MAMDC4: variants seen among roughly 807,000 people sequenced by gnomAD.
MAMDC4 encodes apical endosomal glycoprotein.
A neutral mutation model predicts 153.3 loss-of-function variants in MAMDC4; 168 were observed. The observed-to-expected ratio is 1.10, with a 90% confidence interval of 0.97 to 1.25. The LOEUF is 1.25. Among genes scored for constraint, MAMDC4 ranks in the 50% most tolerant of loss-of-function variants. The probability of loss-of-function intolerance (pLI) is 0.00; values close to 1 mark genes in which losing one functional copy is unlikely to be tolerated. For missense variants in MAMDC4, 1,701 were observed against 1,542.8 expected (o/e 1.10, Z -1.72); for synonymous variants, 744 against 651.5 (o/e 1.14, Z -2.16).
rs1246034870 is a variant in MAMDC4, at chr9:136,856,028, GTC to G, written c.1603_1604del (p.Leu535AlafsTer10). On this transcript the variant is annotated frameshift_variant, in exon 14 of 27. Coordinates refer to ENST00000317446, the MANE Select transcript of MAMDC4 (RefSeq NM_206920.3). LOFTEE classifies it high-confidence loss of function. ...ATGCTCTTCCCCTAGGGCACTTCCT[GTC>G]TCTGCAGCGGGCCTGGGGGCAGCTA... Reference protein sequence around the residue: ...SSAAAAGHFLSLQRAWGQLGA... With the variant: ...SSAAAAGHFLXLQRAWGQLGA... 1.2e-6 allele frequency: 2 copies of G among 1,611,192 alleles called. No homozygotes were observed. The highest frequency in any genetic ancestry group is 1.7e-6 in the Non-Finnish European group (2 of 1,179,286).
At chr9:136,860,531 AG>A (rs760205235) in intron 26 of MAMDC4, 30 bp from the exon 27 acceptor site, 2 of 1,601,428 alleles carry the variant, frequency 1.2e-6, no homozygotes, top group Admixed American at 1.7e-5. Context: ...CAGGAAAGAA[AG>A]AAAAAAAAAG....
In MAMDC4 at chr9:136,856,764, C is replaced by G; in HGVS notation, c.1775C>G (p.Ser592Ter). ...TGCAGCTGGTACCCAGGCCACCTCT[C>G]AGACACACACTGGCGCTGGGTGGAG... is the stretch of plus-strand genomic sequence containing the variant. ...DTCSWYPGHL[S>*]DTHWRWVESR... The change falls in exon 15 of 27, where the codon TCA becomes TGA. Residue 592 changes from serine (S) to a stop codon, truncating the protein, a stop_gained. Transcript: ENST00000317446. LOFTEE classifies it high-confidence loss of function. 6.2e-7 allele frequency: 1 copy of G among 1,612,312 alleles called. No homozygotes were observed. The highest frequency in any genetic ancestry group is 8.5e-7 in the Non-Finnish European group (1 of 1,179,696).
chr9:136,857,032 C>T lies in MAMDC4; in HGVS notation c.1963C>T (p.Pro655Ser). Reference protein sequence around the residue: ...CLSFWYHLHGPQIGTLRLAMR... With the variant: ...CLSFWYHLHGSQIGTLRLAMR... ...CAGCTTCTGGTACCACCTCCATGGG[C>T]CCCAGATTGGTGAGTGGACCTGGAA... The change falls in exon 16 of 27, where the codon CCC (proline) becomes TCC (serine). Residue 655 changes from proline to serine, a missense_variant. Coordinates refer to ENST00000317446, the MANE Select transcript of MAMDC4 (RefSeq NM_206920.3). 2 of 1,610,922 alleles carry T rather than the reference C, an allele frequency of 1.2e-6. No individual in the cohort carries two copies. Among genetic ancestry groups the T allele is most frequent in the African/African-American group, 1.3e-5 (1 of 75,000 alleles).
rs773090331 is a variant in MAMDC4 at position 136,855,668 on chromosome 9, G to T, written c.1471+49G>T. 4 of 1,565,944 alleles carry T rather than the reference G, an allele frequency of 2.6e-6. No homozygotes were observed. In the East Asian group the frequency reaches 9.3e-5, roughly 36 times the overall value. On this transcript the variant is annotated intron_variant, in intron 12 of 26. Transcript: ENST00000317446. The stretch of plus-strand genomic sequence containing the variant: ...GACCTCCTGCTGCGGAGCCAAGGGG[G>T]TAGGCGCCGGGGCAGGCTGAGGACT...
Position 136,852,463 on chromosome 9 carries a change from G to T in MAMDC4, c.46+1G>T, listed in dbSNP as rs762545147. On this transcript the variant is annotated splice_donor_variant, in intron 1 of 26. Transcript: ENST00000317446. LOFTEE classifies it high-confidence loss of function. ...CTGCCCGCCTTGGTCCTGTTCCTGG[G>T]TAAGTAGTCTGGTCCCACTCCTGAG... 1.2e-6 allele frequency: 2 copies of T among 1,609,924 alleles called. No individual in the cohort carries two copies. The highest frequency in any genetic ancestry group is 1.7e-6 in the Non-Finnish European group (2 of 1,179,942).
At position 136,855,106 on chromosome 9, in the gene MAMDC4, T is replaced by C. The variant is rs1224929447; in HGVS notation, c.1193T>C (p.Phe398Ser). 6 of 1,573,410 alleles carry C rather than the reference T, an allele frequency of 3.8e-6. No individual in the cohort carries two copies. The African/African-American group carries it at 6.8e-5, about 18-fold the overall frequency. The change falls in exon 10 of 27, where the codon TTC becomes TCC. Residue 398 changes from phenylalanine to serine, a missense_variant. Transcript: ENST00000317446. ...DRVDIQSAYP[F>S]QILLAGQTGP... ...GTTGACATCCAGAGCGCCTACCCCT[T>C]CCAGGTAGGGAACAGCAAGAGGGTG...
chr9:136,853,679 T>C lies in MAMDC4; in HGVS notation c.454+9T>C, dbSNP rs775066291. ...CCACGCGGCCTCTGGAGGTGCACCC[T>C]GGACCCCCAAGGCTCGTGGGGGGTG... On this transcript the variant is annotated intron_variant, in intron 4 of 26. Transcript: ENST00000317446. 7.4e-6 allele frequency: 10 copies of C among 1,343,274 alleles called. No individual in the cohort carries two copies. The highest frequency in any genetic ancestry group is 1.6e-5 in the African/African-American group (1 of 63,640). The allele number at this position is 1,343,274 out of a possible 1,614,324, so 83.2% of individuals were successfully genotyped here.
chr9:136,853,292 C>T lies in MAMDC4; in HGVS notation c.162C>T (p.His54=), dbSNP rs760001756. 2.1e-5 allele frequency: 33 copies of T among 1,602,664 alleles called. No homozygotes were observed. The highest frequency in any genetic ancestry group is 9.0e-5 in the East Asian group (4 of 44,644). Residue 54 remains histidine (H), a synonymous_variant, in exon 3 of 27, where the codon CAC becomes CAT. Coordinates refer to ENST00000317446, the MANE Select transcript of MAMDC4 (RefSeq NM_206920.3). ...DCSDEAQCGY[H]GASPTLGAPF... ...GACCACCCACTCTCCCAGGTTACCA[C>T]GGGGCCTCGCCCACCCTGGGCGCCC...
Position 136,855,434 on chromosome 9 carries a change from T to C in MAMDC4, c.1286T>C (p.Val429Ala). The C allele has an allele frequency of 6.2e-7, 1 of 1,609,098 alleles. No homozygotes were observed. Among genetic ancestry groups the C allele is most frequent in the Non-Finnish European group, 8.5e-7 (1 of 1,178,162 alleles). The change falls in exon 12 of 27, where the codon GTG becomes GCG. Residue 429 changes from valine (V) to alanine (A), a missense_variant. Coordinates refer to ENST00000317446, the MANE Select transcript of MAMDC4 (RefSeq NM_206920.3). ...GACACCAGTTCTGCCCCCACAGAGG[T>C]GTCCACCCTGCAGCCGCTGCCTCCT... ...LSDHCRPVSEVSTLQPLPPGP... is the reference protein window; with the variant it reads ...LSDHCRPVSEASTLQPLPPGP...
Position 136,854,224 on chromosome 9 carries a change from C to T in MAMDC4, c.684C>T (p.Asn228=). The T allele has an allele frequency of 6.2e-7, 1 of 1,612,166 alleles. No individual in the cohort carries two copies. ...TGCCCCACCCAGCCCCCCAGGCCAA[C>T]TGTCCCCCGGGACACCACCACTGCC... ...WDCGLPTPQA[N]CPPGHHHCQN... The change falls in exon 7 of 27, where the codon AAC becomes AAT. Residue 228 remains asparagine, a synonymous_variant. Coordinates refer to ENST00000317446, the MANE Select transcript of MAMDC4 (RefSeq NM_206920.3).
At chr9:136,852,543 AC>A (rs1425262900) in intron 1 of MAMDC4, 81 bp downstream of exon 1, 1 of 1,507,904 alleles carries the variant, frequency 6.6e-7, no homozygotes, top group Non-Finnish European at 9.1e-7. Context: ...AGTGACGGAC[AC>A]CAGGGCTGAT....
rs1390866816 is a variant in MAMDC4 at position 136,859,284 on chromosome 9, G to A, written c.3160G>A (p.Gly1054Arg). Reference protein sequence around the residue: ...IALDDVEYLAGQHCQQPAPSP... With the variant: ...IALDDVEYLARQHCQQPAPSP... ...CCTGGATGACGTGGAGTATCTGGCT[G>A]GGCAGCATTGCCAGCAGCCTGCCCC... Residue 1054 changes from glycine (G) to arginine (R), a missense_variant, in exon 25 of 27, where the codon GGG becomes AGG. Physicochemically the swap from Gly to Arg is moderately radical, Grantham distance 125. Transcript: ENST00000317446. 1.2e-6 allele frequency: 2 copies of A among 1,611,816 alleles called. No individual in the cohort carries two copies. The highest frequency in any genetic ancestry group is 1.7e-6 in the Non-Finnish European group (2 of 1,179,464).
chr9:136,858,018 A>G lies in MAMDC4; in HGVS notation c.2504A>G (p.Gln835Arg), dbSNP rs1431178302. 3 of 1,526,056 alleles carry G rather than the reference A, an allele frequency of 2.0e-6. No homozygotes were observed. The highest frequency in any genetic ancestry group is 2.6e-6 in the Non-Finnish European group (3 of 1,139,904). The allele number at this position is 1,526,056 out of a possible 1,614,324, so 94.5% of individuals were successfully genotyped here. A position where few individuals can be genotyped will look rare whatever the true frequency, so the allele number is the denominator to read the frequency against. ...TACCTGGAGGAGCGCGGGAGGCACC[A>G]GGTGCTCAGCCTCAGTGCCCACGGC... ...RVYLEERGRH[Q>R]VLSLSAHGGL... The change falls in exon 20 of 27, where the codon CAG becomes CGG. Residue 835 changes from glutamine to arginine, a missense_variant. Coordinates refer to ENST00000317446, the MANE Select transcript of MAMDC4 (RefSeq NM_206920.3).
Position 136,858,423 on chromosome 9 carries a change from C to A in MAMDC4, c.2698C>A (p.Leu900Met). The part of the protein sequence containing the change: ...QPGSCDFESG[L>M]CGWSHLAWPG... ...AGGTTCCTGTGATTTTGAGTCTGGC[C>A]TGTGTGGCTGGAGCCACCTGGCCTG... Residue 900 changes from leucine (L) to methionine (M), a missense_variant, in exon 22 of 27, where the codon CTG (leucine) becomes ATG (methionine). Coordinates refer to ENST00000317446, the MANE Select transcript of MAMDC4 (RefSeq NM_206920.3). 1 of 1,604,644 alleles carries A rather than the reference C, an allele frequency of 6.2e-7. No homozygotes were observed.
rs769920150 is a variant in MAMDC4 at position 136,860,570 on chromosome 9, C to T, written c.3381C>T (p.Val1127=). 2.5e-6 allele frequency: 4 copies of T among 1,612,778 alleles called. No homozygotes were observed. Among genetic ancestry groups the T allele is most frequent in the Non-Finnish European group, 3.4e-6 (4 of 1,179,850 alleles). The change falls in exon 27 of 27, where the codon GTC becomes GTT. Residue 1127 remains valine (V), a synonymous_variant. Transcript: ENST00000317446. The part of the protein sequence containing the change: ...FDNILFNADG[V]TLPASVTSDP ...CCTCTTCCTCCTCCTAGGATGGTGT[C>T]ACCCTCCCGGCATCTGTCACCAGTG...
At chr9:136,856,438 C>T (rs752896441) in intron 14 of MAMDC4, 3 of 784,560 alleles carry the variant, frequency 3.8e-6, no homozygotes, top group South Asian at 1.4e-5. Flanking sequence ...ACTTAACCAT[C>T]CTCCTCATCC....
chr9:136,860,187 C>T (rs1198697102), intron 26 of MAMDC4, 123 bp downstream of exon 26: 4 of 1,137,864 alleles, frequency 3.5e-6, no homozygotes, highest in Non-Finnish European at 4.9e-6. Flanking sequence ...CCCATCCTTG[C>T]CCTCCCTGCC....
chr9:136,860,516 CG>C (rs1462084841), intron 26 of MAMDC4, 45 bp from the exon 27 acceptor site: 1 of 1,579,358 alleles, frequency 6.3e-7, no homozygotes, highest in East Asian at 2.3e-5. Flanking sequence ...AGCGAAACTC[CG>C]TCTCAGGAAA....
In MAMDC4 at chr9:136,857,219, G is replaced by C; in HGVS notation, c.2027G>C (p.Arg676Pro). 1.9e-6 allele frequency: 3 copies of C among 1,611,184 alleles called. No homozygotes were observed. Among genetic ancestry groups the C allele is most frequent in the Non-Finnish European group, 2.5e-6 (3 of 1,179,318 alleles). The change falls in exon 17 of 27, where the codon CGG (arginine) becomes CCG (proline). Residue 676 changes from arginine to proline, a missense_variant. Arg to Pro is a moderately radical substitution (Grantham distance 103). Coordinates refer to ENST00000317446, the MANE Select transcript of MAMDC4 (RefSeq NM_206920.3). ...GGGGAGGAGACACACCTGTGGTCGC[G>C]GTCAGGCACCCAGGGCAACCGCTGG... The part of the protein sequence containing the change: ...REGEETHLWS[R>P]SGTQGNRWHE...
Sources: gnomAD v4.1 joint callset for allele counts on GRCh38, gnomAD v4.1.1 for gene constraint, MANE v1.5 for transcripts, NCBI Gene and HGNC (gene_info 2026-07-23, HGNC 2026-07-21) for gene names.